Variants in SLC25A26 observed in about 807,000 individuals in gnomAD.
SLC25A26 encodes mitochondrial S-adenosylmethionine carrier protein.
Under a neutral mutation model 37.8 loss-of-function variants are expected in SLC25A26, and 36 were observed. That is an observed-to-expected ratio of 0.95 (90% CI 0.73 to 1.26). The LOEUF (loss-of-function observed/expected upper bound fraction) is 1.26, where lower values mean the gene tolerates loss of function less well. Ranked by LOEUF, SLC25A26 falls within the 50% of genes most tolerant of loss-of-function variation. SLC25A26 has a pLI of 0.00. For synonymous variants in SLC25A26, 129 were observed against 122.5 expected (o/e 1.05, Z -0.35); for missense variants, 390 against 331.1 (o/e 1.18, Z -1.38).
At chr3:66,346,797 A>G (rs774584216) in intron 6 of SLC25A26, among the ~76,000 whole-genome samples, 38 of 151,088 alleles carry the variant, frequency 2.5e-4, no homozygotes, top group Non-Finnish European at 3.8e-4. Context: ...GGTAAATGGA[A>G]GAGGAAAAAT....
Position 66,155,656 on chromosome 3 carries a change from T to C in SLC25A26, c.-354+21672T>C, listed in dbSNP as rs182850172. ...AAGAAATAGAAACCAACCAAACTAA[T>C]GTGAATTGAAAGAAATAGCCAAGTC... is the stretch of plus-strand genomic sequence containing the variant. On this transcript the variant is annotated intron_variant, in intron 1 of 10. Coordinates refer to the SLC25A26 transcript ENST00000676754. Among the ~76,000 whole-genome samples, 43 of 152,334 alleles carry C rather than the reference T, an allele frequency of 2.8e-4. No homozygotes were observed. The East Asian group carries it at 7.1e-3, about 25-fold the overall frequency.
intron 2 of SLC25A26, among the ~76,000 whole-genome samples, chr3:66,237,288 C>G (rs1484059698): frequency 1.3e-5 from 2 of 152,168 alleles, no homozygotes; most frequent in African/African-American, 4.8e-5. Flanking sequence ...TGCTGTGATT[C>G]TTCAGAACAA....
chr3:66,190,725 G>A (rs2070925858), intron 1 of SLC25A26, among the ~76,000 whole-genome samples: 1 of 152,182 alleles, frequency 6.6e-6, no homozygotes, highest in Non-Finnish European at 1.5e-5. Context: ...CACTGTGCCT[G>A]ACCAGAATTT....
At chr3:66,218,864 G>A (rs990435905), upstream of SLC25A26, among the ~76,000 whole-genome samples, 696 of 152,246 alleles carry the variant, frequency 4.6e-3, 6 homozygotes, top group Non-Finnish European at 3.6e-3. Flanking sequence ...TGGATCCTGC[G>A]GTCATGATCA....
At chr3:66,217,653 A>G (rs1356152997), upstream of SLC25A26, among the ~76,000 whole-genome samples, 4 of 151,896 alleles carry the variant, frequency 2.6e-5, no homozygotes, top group African/African-American at 9.7e-5. Context: ...GGTTCAAGCG[A>G]TTCTCCTGCC....
chr3:66,278,074 G>T (rs765379172), intron 5 of SLC25A26, among the ~76,000 whole-genome samples: 5 of 152,082 alleles, frequency 3.3e-5, no homozygotes, highest in Non-Finnish European at 5.9e-5. Flanking sequence ...CTGTAATTTA[G>T]CTATTAGCAT....
At chr3:66,269,003 T>G (rs2073861327) in intron 5 of SLC25A26, among the ~76,000 whole-genome samples, 1 of 152,198 alleles carries the variant, frequency 6.6e-6, no homozygotes, top group African/African-American at 2.4e-5. Flanking sequence ...AGGTAGTATC[T>G]TTATAGCAGT....
chr3:66,327,387 A>G (rs142534055), intron 5 of SLC25A26, among the ~76,000 whole-genome samples: 38 of 152,298 alleles, frequency 2.5e-4, no homozygotes, highest in African/African-American at 8.7e-4. Context: ...CTTTGTCTGT[A>G]TTATTTCCAC....
chr3:66,350,635 A>G (rs2076428778), intron 6 of SLC25A26, among the ~76,000 whole-genome samples: 2 of 152,068 alleles, frequency 1.3e-5, no homozygotes, highest in Non-Finnish European at 2.9e-5. Flanking sequence ...AGTTCTTGGC[A>G]TTCAAGTTTC....
rs1399503504 is a variant in SLC25A26, at chr3:66,295,095, A to C, written c.453+31716A>C. 2.0e-5 allele frequency among the ~76,000 whole-genome samples: 3 copies of C among 152,172 alleles called. No homozygotes were observed. In the East Asian group the frequency reaches 5.8e-4, roughly 29 times the overall value. ...TCTCATGCAAATCAAAAACCCCAAA[A>C]CAGTTTACAACCTATTTTGTAACTC... On this transcript the variant is annotated intron_variant, in intron 5 of 9. Coordinates refer to ENST00000354883, the MANE Select transcript of SLC25A26 (RefSeq NM_001379210.1).
chr3:66,186,678 A>G lies in SLC25A26; in HGVS notation c.-353-34064A>G, dbSNP rs894744904. On this transcript the variant is annotated intron_variant, in intron 1 of 10. Transcript: ENST00000676754. ...CAAACCTGAGCTGACTGAACTTGATACTGACCATAACCCTGACCACCTTCA... is the reference window on the plus strand; with the variant it reads ...CAAACCTGAGCTGACTGAACTTGATGCTGACCATAACCCTGACCACCTTCA... 5.9e-5 allele frequency among the ~76,000 whole-genome samples: 9 copies of G among 152,064 alleles called. No individual in the cohort carries two copies. In the South Asian group the frequency reaches 1.2e-3, roughly 21 times the overall value.
At chr3:66,191,520 A>G (rs917171605) in intron 1 of SLC25A26, among the ~76,000 whole-genome samples, 1 of 152,186 alleles carries the variant, frequency 6.6e-6, no homozygotes, top group African/African-American at 2.4e-5. Context: ...AGAACAACAC[A>G]TATCCATCTA....
At chr3:66,237,910 A>G (rs1255979608) in intron 2 of SLC25A26, among the ~76,000 whole-genome samples, 1 of 152,234 alleles carries the variant, frequency 6.6e-6, no homozygotes, top group Non-Finnish European at 1.5e-5. Flanking sequence ...CTGTGAGCAT[A>G]GCATTCACAT....
At chr3:66,352,368 C>T (rs765222151) in intron 6 of SLC25A26, among the ~76,000 whole-genome samples, 36 of 151,912 alleles carry the variant, frequency 2.4e-4, no homozygotes, top group Non-Finnish European at 4.4e-4. Flanking sequence ...GCCACTCACC[C>T]GCTGTGCCCG....
Position 66,370,524 on chromosome 3 carries a change from C to T in SLC25A26, c.634-5C>T, listed in dbSNP as rs758703980. On this transcript the variant is annotated splice_region_variant and splice_polypyrimidine_tract_variant and intron_variant, in intron 8 of 9. Transcript: ENST00000354883. ...TAACGGGTTTCTCTTTGTCTGTTCA[C>T]ACAGGCTGGCTCCAGCACTGCTGAT... The T allele has an allele frequency of 4.3e-6, 7 of 1,613,380 alleles. No individual in the cohort carries two copies. The highest frequency in any genetic ancestry group is 4.2e-6 in the Non-Finnish European group (5 of 1,179,542).
intron 1 of SLC25A26, among the ~76,000 whole-genome samples, chr3:66,201,730 C>T (rs1331822515): frequency 2.0e-5 from 3 of 152,116 alleles, no homozygotes; most frequent in Non-Finnish European, 4.4e-5. Flanking sequence ...CTGCATGTTG[C>T]ATATAAGGAA....
intron 5 of SLC25A26, among the ~76,000 whole-genome samples, chr3:66,335,668 G>C (rs535224065): frequency 6.6e-6 from 1 of 152,140 alleles, no homozygotes; most frequent in East Asian, 1.9e-4. Flanking sequence ...TGTCCTGTTA[G>C]GTGAGATGCT....
At chr3:66,297,085 G>A (rs910005612) in intron 5 of SLC25A26, among the ~76,000 whole-genome samples, 3 of 152,202 alleles carry the variant, frequency 2.0e-5, no homozygotes, top group African/African-American at 4.8e-5. Flanking sequence ...AGCACTTTGG[G>A]AGGCTGAGGC....
intron 5 of SLC25A26, among the ~76,000 whole-genome samples, chr3:66,302,900 T>C (rs2075115849): frequency 6.6e-6 from 1 of 152,154 alleles, no homozygotes; most frequent in Non-Finnish European, 1.5e-5. Context: ...GTCTCAGTGC[T>C]AGGGAGTCAG....
Sources: gnomAD v4.1 joint callset for allele counts (sites outside exome capture counted in the v4.1 genomes callset) on GRCh38, gnomAD v4.1.1 for gene constraint, MANE v1.5 for transcripts, NCBI Gene and HGNC (gene_info 2026-07-23, HGNC 2026-07-21) for gene names.